LAMA3: variants seen among roughly 807,000 people sequenced by gnomAD.
LAMA3 encodes the protein laminin subunit alpha 3.
A neutral mutation model predicts 402.0 loss-of-function variants in LAMA3; 281 were observed. That is an observed-to-expected ratio of 0.70 (90% CI 0.63 to 0.77). The LOEUF is 0.77. Among genes scored for constraint, LAMA3 ranks in the 30% least tolerant of loss-of-function variants. The pLI is 0.00. For synonymous variants in LAMA3, 1,431 were observed against 1,558.4 expected (o/e 0.92, Z 1.93); for missense variants, 3,840 against 4,215.5 (o/e 0.91, Z 2.47).
chr18:23,689,945 C>G lies in LAMA3; in HGVS notation c.262C>G (p.Pro88Ala). 1 of 1,521,710 alleles carries G rather than the reference C, an allele frequency of 6.6e-7. No individual in the cohort carries two copies. The allele number at this position is 1,521,710 out of a possible 1,614,324, so 94.3% of individuals were successfully genotyped here. A position where few individuals can be genotyped will look rare whatever the true frequency, so the allele number is the denominator to read the frequency against. ...PELYCKLVGG[P>A]TAPGSGHTIQ... ...GCTCTACTGCAAGTTGGTCGGGGGC[C>G]CCACCGCCCCAGGCAGCGGCCACAC... The change falls in exon 1 of 75, where the codon CCC becomes GCC. Residue 88 changes from proline to alanine, a missense_variant. Transcript: ENST00000313654.
At chr18:23,804,980 C>T (rs1334943250) in intron 12 of LAMA3, among the ~76,000 whole-genome samples, 1 of 152,120 alleles carries the variant, frequency 6.6e-6, no homozygotes, top group Non-Finnish European at 1.5e-5. Context: ...AAAACTATGC[C>T]AATTAAATTT....
At position 23,907,776 on chromosome 18, in the gene LAMA3, A is replaced by G. The variant is rs1444718750; in HGVS notation, c.6856A>G (p.Ser2286Gly). ...ATTAGGTGATATTGATGCTATGATCAGTAGTGCAAAGAGCATGGTCAGAAA... is the reference window on the plus strand; with the variant it reads ...ATTAGGTGATATTGATGCTATGATCGGTAGTGCAAAGAGCATGGTCAGAAA... ...IQRGDIDAMI[S>G]SAKSMVRKAN... The change falls in exon 54 of 75, where the codon AGT becomes GGT. Residue 2286 changes from serine to glycine, a missense_variant. Coordinates refer to ENST00000313654, the MANE Select transcript of LAMA3 (RefSeq NM_198129.4). The G allele has an allele frequency of 2.5e-6, 4 of 1,614,082 alleles. No individual in the cohort carries two copies. In the Admixed American group the frequency reaches 5.0e-5, roughly 20 times the overall value.
At position 23,876,397 on chromosome 18, in the gene LAMA3, G is replaced by T; in HGVS notation, c.5102G>T (p.Gly1701Val). The T allele has an allele frequency of 6.2e-7, 1 of 1,607,658 alleles. No individual in the cohort carries two copies. The highest frequency in any genetic ancestry group is 8.5e-7 in the Non-Finnish European group (1 of 1,174,042). The change falls in exon 39 of 75, where the codon GGC (glycine) becomes GTC (valine). Residue 1701 changes from glycine to valine, a missense_variant. Gly to Val is a moderately radical substitution (Grantham distance 109). This residue lies in a region of LAMA3 where 2,109 missense variants were observed against 2,376.0 expected (regional missense o/e 0.89). Coordinates refer to ENST00000313654, the MANE Select transcript of LAMA3 (RefSeq NM_198129.4). ...GHSNQCQDGS[G>V]ICVNCQHNTA... ...TCAAATCAATGCCAGGATGGCTCAG[G>T]CATATGTGTTGTGAGTAAATTGACA... is the stretch of plus-strand genomic sequence containing the variant.
At chr18:23,822,675 T>C (rs2063309012) in intron 20 of LAMA3, among the ~76,000 whole-genome samples, 2 of 152,228 alleles carry the variant, frequency 1.3e-5, no homozygotes, top group Admixed American at 1.3e-4. Flanking sequence ...CATTTATAAC[T>C]CATTCACAGT....
intron 12 of LAMA3, among the ~76,000 whole-genome samples, chr18:23,806,630 C>T (rs1278771919): frequency 6.6e-6 from 1 of 152,160 alleles, no homozygotes. Flanking sequence ...ATGATCTTCC[C>T]ATATGTCCCC....
chr18:23,717,719 AATT>A (rs372539965), intron 2 of LAMA3, among the ~76,000 whole-genome samples: 3,607 of 116,478 alleles, frequency 0.031, 621 homozygotes, highest in African/African-American at 0.11. Flanking sequence ...TGCCTGGCTA[AATT>A]TTTTTTTTTT....
At chr18:23,887,706 G>A (rs746391761) in intron 41 of LAMA3, among the ~76,000 whole-genome samples, 1 of 152,198 alleles carries the variant, frequency 6.6e-6, no homozygotes, top group Admixed American at 6.5e-5. Flanking sequence ...GATTATGCAG[G>A]AGACTAGCTG....
At chr18:23,848,313 C>T (rs539583037) in intron 32 of LAMA3, among the ~76,000 whole-genome samples, 45 of 152,224 alleles carry the variant, frequency 3.0e-4, no homozygotes, top group African/African-American at 1.0e-3. Context: ...GTGGAGACCT[C>T]GGCTCATGCA....
intron 32 of LAMA3, 148 bp downstream of exon 32, chr18:23,847,816 T>G: frequency 1.3e-6 from 1 of 778,314 alleles, no homozygotes; most frequent in South Asian, 1.6e-5. Flanking sequence ...CAGGATGGGT[T>G]GCAGTGGGTG....
rs542634344 is a variant in LAMA3, at chr18:23,800,504, A to C, written c.1604-9862A>C. Among the ~76,000 whole-genome samples the C allele has an allele frequency of 3.9e-5, 6 of 152,314 alleles. 1 individual carries two copies. The South Asian group carries it at 1.2e-3, about 32-fold the overall frequency. Reference sequence around the variant, plus strand: ...GATCAAGTCAGTAATTAGCTTATCTATCACCTCGAACATTCATTTCTTTGT... The same window carrying C: ...GATCAAGTCAGTAATTAGCTTATCTCTCACCTCGAACATTCATTTCTTTGT... On this transcript the variant is annotated intron_variant, in intron 12 of 74. Coordinates refer to ENST00000313654, the MANE Select transcript of LAMA3 (RefSeq NM_198129.4).
chr18:23,776,942 G>A (rs1002285646), intron 10 of LAMA3, among the ~76,000 whole-genome samples: 1 of 151,058 alleles, frequency 6.6e-6, no homozygotes, highest in African/African-American at 2.4e-5. Context: ...CCAGGTTCAA[G>A]CGATTCTCCT....
Position 23,784,163 on chromosome 18 carries a change from T to C in LAMA3, c.1603+6T>C. ...CTCATTCCCTATTTGCCAAGGTAAGTGGGCAGAACATAGCATATTCATAAT... is the reference window on the plus strand; with the variant it reads ...CTCATTCCCTATTTGCCAAGGTAAGCGGGCAGAACATAGCATATTCATAAT... On this transcript the variant is annotated splice_donor_region_variant and intron_variant, in intron 12 of 74. Coordinates refer to ENST00000313654, the MANE Select transcript of LAMA3 (RefSeq NM_198129.4). 1.1e-5 allele frequency: 18 copies of C among 1,614,110 alleles called. No homozygotes were observed. Among genetic ancestry groups the C allele is most frequent in the Non-Finnish European group, 1.5e-5 (18 of 1,180,006 alleles).
At chr18:23,860,031 C>A (rs1183093027) in intron 34 of LAMA3, among the ~76,000 whole-genome samples, 1 of 152,110 alleles carries the variant, frequency 6.6e-6, no homozygotes, top group Admixed American at 6.6e-5. Context: ...GGACTAAGAC[C>A]AATTACTATG....
At chr18:23,692,417 G>T (rs182328700) in intron 1 of LAMA3, among the ~76,000 whole-genome samples, 1 of 151,994 alleles carries the variant, frequency 6.6e-6, no homozygotes, top group South Asian at 2.1e-4. Context: ...GATTACAGGC[G>T]CCTGCCACCA....
chr18:23,828,362 G>A (rs45510792), intron 23 of LAMA3, among the ~76,000 whole-genome samples: 1,840 of 152,184 alleles, frequency 0.012, 16 homozygotes, highest in Middle Eastern at 0.024. Flanking sequence ...GAATTTTCAT[G>A]CTACGAAATA....
At position 23,842,477 on chromosome 18, in the gene LAMA3, C is replaced by A; in HGVS notation, c.3419C>A (p.Thr1140Lys). ...VIHFYQAAHP[T>K]FPAQVSVDGG... ...CATTTTTACCAAGCAGCGCACCCGA[C>A]GTTTCCCGCGCAGGTGTCGGTGGAT... Residue 1140 changes from threonine (T) to lysine (K), a missense_variant, in exon 28 of 75, where the codon ACG (threonine) becomes AAG (lysine). Physicochemically the swap from Thr to Lys is moderately conservative, Grantham distance 78 (BLOSUM62 -1). Coordinates refer to ENST00000313654, the MANE Select transcript of LAMA3 (RefSeq NM_198129.4). 1 of 1,614,212 alleles carries A rather than the reference C, an allele frequency of 6.2e-7. No homozygotes were observed. The highest frequency in any genetic ancestry group is 1.1e-5 in the South Asian group (1 of 91,080).
At chr18:23,952,476 A>G (rs919615723) in intron 73 of LAMA3, among the ~76,000 whole-genome samples, 4 of 152,246 alleles carry the variant, frequency 2.6e-5, no homozygotes, top group Non-Finnish European at 5.9e-5. Flanking sequence ...TGGCTAAAAT[A>G]CCTTTTGTAA....
intron 68 of LAMA3, among the ~76,000 whole-genome samples, chr18:23,940,471 G>A (rs1030772085): frequency 5.3e-5 from 8 of 152,196 alleles, no homozygotes; most frequent in Admixed American, 2.6e-4. Flanking sequence ...GCCACATGCC[G>A]TTTAACTTCT....
At chr18:23,775,973 G>T (rs772558813) in intron 10 of LAMA3, 50 bp downstream of exon 10, 1 of 1,609,356 alleles carries the variant, frequency 6.2e-7, no homozygotes, top group Non-Finnish European at 8.5e-7. Context: ...TCCATAGCTG[G>T]CTTTTGTGCA....
Sources: allele counts gnomAD v4.1 joint callset (sites outside exome capture counted in the v4.1 genomes callset), GRCh38; gene constraint gnomAD v4.1.1; regional missense constraint gnomAD v4.1.1; transcripts MANE v1.5; gene names NCBI Gene and HGNC (gene_info 2026-07-23, HGNC 2026-07-21).